The following LRRC28 variants were observed in gnomAD, a reference collection of about 807,000 sequenced individuals.
LRRC28 encodes the protein leucine rich repeat containing 28, also known as leucine-rich repeat-containing protein 28.
A neutral mutation model predicts 45.7 loss-of-function variants in LRRC28; 39 were observed. The observed-to-expected ratio is 0.85, with a 90% CI of 0.66 to 1.12. The LOEUF (loss-of-function observed/expected upper bound fraction) is 1.12. Ranked by LOEUF, LRRC28 falls within the 50% of genes most tolerant of loss-of-function variation. The pLI is 0.00. For missense variants in LRRC28, 435 were observed against 438.5 expected, an observed-to-expected ratio of 0.99 and a Z score of 0.07; for synonymous variants, 206 against 178.8, an observed-to-expected ratio of 1.15 and a Z score of -1.22.
chr15:99,371,889 T>C (rs557124477), intron 9 of LRRC28, among the ~76,000 whole-genome samples: 1 of 152,342 alleles, frequency 6.6e-6, no homozygotes, highest in South Asian at 2.1e-4. Flanking sequence ...TCTTTTCTCA[T>C]ACATATCTCA....
chr15:99,305,420 C>T (rs565574625), intron 5 of LRRC28, among the ~76,000 whole-genome samples: 20 of 152,112 alleles, frequency 1.3e-4, no homozygotes, highest in Non-Finnish European at 2.4e-4. Flanking sequence ...TTTTCTAGCA[C>T]ATATTCATTT....
intron 9 of LRRC28, among the ~76,000 whole-genome samples, chr15:99,382,274 C>T (rs1957852135): frequency 6.6e-6 from 1 of 152,318 alleles, no homozygotes. Context: ...GCAGATGGAT[C>T]TCAGACTGCT....
intron 5 of LRRC28, among the ~76,000 whole-genome samples, chr15:99,324,899 G>T (rs12438814): frequency 0.2 from 30,714 of 151,800 alleles, 3,306 homozygotes; most frequent in East Asian, 0.4. Context: ...TCTGTGTCAG[G>T]AATACAACAT....
intron 6 of LRRC28, among the ~76,000 whole-genome samples, chr15:99,336,684 C>A (rs1467561971): frequency 6.6e-6 from 1 of 152,158 alleles, no homozygotes; most frequent in Non-Finnish European, 1.5e-5. Flanking sequence ...TCCATCTGGC[C>A]TAGTGTCAGT....
At chr15:99,348,904 A>T (rs1956782149) in intron 6 of LRRC28, among the ~76,000 whole-genome samples, 1 of 152,064 alleles carries the variant, frequency 6.6e-6, no homozygotes, top group Non-Finnish European at 1.5e-5. Flanking sequence ...CTTCCTATCC[A>T]TGAACACTGG....
intron 2 of LRRC28, chr15:99,259,251 GA>G: frequency 9.5e-7 from 1 of 1,056,084 alleles, no homozygotes; most frequent in Non-Finnish European, 1.5e-6. Context: ...GGGTCCAGCA[GA>G]AAAGAGGCTG....
chr15:99,390,363 G>A lies in LRRC28; in HGVS notation c.*4261G>A, dbSNP rs1346541954. ...AGCGAGTGTGGTGGATGGGCAGAAG[G>A]TGTAGCATTCGGAGATTATTTCTGT... On this transcript the variant is annotated 3_prime_UTR_variant, in exon 10 of 10. Coordinates refer to ENST00000301981, the MANE Select transcript of LRRC28 (RefSeq NM_144598.5). 1 of 152,238 alleles carries A rather than the reference G, an allele frequency of 6.6e-6. No homozygotes were observed. The highest frequency in any genetic ancestry group is 1.5e-5 in the Non-Finnish European group (1 of 68,056). 9.4% of individuals were successfully genotyped at this position (152,238 alleles called of 1,614,324 possible). A position where few individuals can be genotyped will look rare whatever the true frequency, so the allele number is the denominator to read the frequency against.
intron 5 of LRRC28, among the ~76,000 whole-genome samples, chr15:99,320,106 C>T (rs1032316914): frequency 4.5e-4 from 69 of 152,048 alleles, no homozygotes; most frequent in Admixed American, 1.1e-3. Context: ...CGTGCCCAGC[C>T]GGGAGCATTT....
chr15:99,362,280 A>C (rs1034544180), intron 8 of LRRC28, among the ~76,000 whole-genome samples: 8 of 152,252 alleles, frequency 5.3e-5, no homozygotes. Flanking sequence ...AGCTAAACAG[A>C]AAATTATAGT....
intron 5 of LRRC28, among the ~76,000 whole-genome samples, chr15:99,296,372 C>T (rs1286992728): frequency 6.6e-6 from 1 of 152,188 alleles, no homozygotes; most frequent in Non-Finnish European, 1.5e-5. Flanking sequence ...TCAAAACACG[C>T]AGTGTGTTAT....
intron 3 of LRRC28, among the ~76,000 whole-genome samples, chr15:99,279,325 C>T (rs1185391381): frequency 6.6e-6 from 1 of 152,080 alleles, no homozygotes; most frequent in Non-Finnish European, 1.5e-5. Context: ...GAGTGGTTTC[C>T]ACATTTTGAA....
At chr15:99,286,353 A>C (rs2081959506) in intron 3 of LRRC28, among the ~76,000 whole-genome samples, 1 of 152,184 alleles carries the variant, frequency 6.6e-6, no homozygotes, top group South Asian at 2.1e-4. Flanking sequence ...GCTGGTCGCG[A>C]ACTCCTGAGG....
At chr15:99,354,421 C>G (rs1280870413) in intron 7 of LRRC28, among the ~76,000 whole-genome samples, 4 of 152,042 alleles carry the variant, frequency 2.6e-5, no homozygotes, top group African/African-American at 9.7e-5. Context: ...AGTTCCAGTT[C>G]AAAGTAGTGT....
At chr15:99,292,688 A>G (rs1267632699) in intron 5 of LRRC28, among the ~76,000 whole-genome samples, 1 of 152,152 alleles carries the variant, frequency 6.6e-6, no homozygotes, top group Non-Finnish European at 1.5e-5. Context: ...TATACCTACG[A>G]ATCCTCTGGG....
intron 5 of LRRC28, among the ~76,000 whole-genome samples, chr15:99,324,093 C>T (rs1052207496): frequency 4.6e-5 from 7 of 152,098 alleles, no homozygotes; most frequent in African/African-American, 7.2e-5. Context: ...CAAGACCCCC[C>T]GTGGGTGCCT....
At chr15:99,274,404 G>A (rs988974114) in intron 2 of LRRC28, among the ~76,000 whole-genome samples, 1 of 152,076 alleles carries the variant, frequency 6.6e-6, no homozygotes, top group African/African-American at 2.4e-5. Flanking sequence ...TAAAATATAA[G>A]CCTTTAGTGT....
At chr15:99,273,575 A>C (rs2081541260) in intron 2 of LRRC28, among the ~76,000 whole-genome samples, 1 of 152,172 alleles carries the variant, frequency 6.6e-6, no homozygotes, top group Admixed American at 6.6e-5. Context: ...AATGAACTGC[A>C]ATTTTCTCAA....
intron 9 of LRRC28, among the ~76,000 whole-genome samples, chr15:99,381,363 G>T (rs991823019): frequency 1.1e-4 from 16 of 152,004 alleles, no homozygotes; most frequent in Non-Finnish European, 1.5e-5. Flanking sequence ...TAGTTCTCGC[G>T]CCATGTTTTT....
chr15:99,349,063 C>A (rs1241919849), intron 6 of LRRC28, among the ~76,000 whole-genome samples: 1 of 151,740 alleles, frequency 6.6e-6, no homozygotes, highest in East Asian at 1.9e-4. Context: ...TTCTTGATTT[C>A]TTTCTTTGGT....
Sources: allele counts gnomAD v4.1 joint callset (sites outside exome capture counted in the v4.1 genomes callset), GRCh38; gene constraint gnomAD v4.1.1; transcripts MANE v1.5; gene names NCBI Gene and HGNC (gene_info 2026-07-23, HGNC 2026-07-21).